The following C2CD5 variants were observed in gnomAD, a reference collection of about 807,000 sequenced individuals.
The protein encoded by C2CD5 is C2 domain-containing protein 5.
A neutral mutation model predicts 130.3 loss-of-function variants in C2CD5; 109 were observed. The ratio of observed to expected loss-of-function variants is 0.84; its 90% CI spans 0.72 to 0.98. The LOEUF (loss-of-function observed/expected upper bound fraction) is 0.98. C2CD5 is among the 50% of genes least tolerant of loss of function. The probability of loss-of-function intolerance (pLI) is 0.00; values close to 1 mark genes in which losing one functional copy is unlikely to be tolerated. For missense variants in C2CD5, 996 were observed against 1,261.8 expected (o/e 0.79, Z 3.19); for synonymous variants, 454 against 429.2 (o/e 1.06, Z -0.71).
At position 22,543,933 on chromosome 12, in the gene C2CD5, C is replaced by G. The variant is rs1952672761; in HGVS notation, c.90+128G>C. On this transcript the variant is annotated intron_variant, in intron 2 of 26. Transcript: ENST00000446597. ...TCGGCGGTCATCCCTCGTGGGAGAG[C>G]TGGACAACCACGGCCGAAGGGAGGG... is the stretch of plus-strand genomic sequence containing the variant. 3 of 692,690 alleles carry G rather than the reference C, an allele frequency of 4.3e-6. No homozygotes were observed. The South Asian group carries it at 5.1e-5, about 12-fold the overall frequency. 42.9% of individuals were successfully genotyped at this position (692,690 alleles called of 1,614,324 possible).
intron 11 of C2CD5, among the ~76,000 whole-genome samples, chr12:22,491,556 G>T (rs2136447671): frequency 6.6e-6 from 1 of 152,082 alleles, no homozygotes; most frequent in Admixed American, 6.6e-5. Context: ...ATGTAAATGT[G>T]ATACCAAGAA....
At chr12:22,523,109 G>A (rs1441064775) in intron 7 of C2CD5, among the ~76,000 whole-genome samples, 1 of 152,042 alleles carries the variant, frequency 6.6e-6, no homozygotes, top group East Asian at 1.9e-4. Flanking sequence ...AGCTACTCAG[G>A]CGGCTGAGGT....
At chr12:22,476,337 CA>C (rs143204193) in intron 15 of C2CD5, among the ~76,000 whole-genome samples, 2 of 151,108 alleles carry the variant, frequency 1.3e-5, no homozygotes, top group African/African-American at 2.4e-5. Context: ...CTGACTCTGT[CA>C]AAAAAAATGC....
chr12:22,531,029 T>TGG (rs1237696740), intron 3 of C2CD5, among the ~76,000 whole-genome samples: 1 of 152,018 alleles, frequency 6.6e-6, no homozygotes, highest in Non-Finnish European at 1.5e-5. Flanking sequence ...AGGTTATAGT[T>TGG]GGGGGGGAAA....
At chr12:22,480,873 C>CT (rs1565693825) in intron 14 of C2CD5, among the ~76,000 whole-genome samples, 1 of 151,926 alleles carries the variant, frequency 6.6e-6, no homozygotes, top group African/African-American at 2.4e-5. Context: ...GGCACAATCA[C>CT]GGCTCACTGC....
chr12:22,472,256 T>G (rs1943157285), intron 18 of C2CD5, 30 bp downstream of exon 18: 1 of 1,305,702 alleles, frequency 7.7e-7, no homozygotes, highest in African/African-American at 1.5e-5. Flanking sequence ...TTATGTGTTA[T>G]GTGCTTAAAA....
intron 17 of C2CD5, 58 bp downstream of exon 17, chr12:22,472,686 G>T: frequency 2.1e-6 from 2 of 943,802 alleles, no homozygotes; most frequent in South Asian, 2.6e-5. Context: ...TAACAATTAT[G>T]AGCTAAAACA....
intron 2 of C2CD5, among the ~76,000 whole-genome samples, chr12:22,536,598 G>A (rs751416200): frequency 2.0e-4 from 31 of 152,104 alleles, no homozygotes; most frequent in Non-Finnish European, 3.8e-4. Flanking sequence ...GAAAAAACAA[G>A]TAGCAGAATA....
chr12:22,480,013 G>A (rs1944470242), intron 14 of C2CD5, among the ~76,000 whole-genome samples: 1 of 152,152 alleles, frequency 6.6e-6, no homozygotes, highest in Admixed American at 6.5e-5. Context: ...AATCTGCATA[G>A]TAGATAAAAT....
intron 17 of C2CD5, 196 bp downstream of exon 17, chr12:22,472,548 T>TA: frequency 1.6e-6 from 1 of 625,412 alleles, no homozygotes; most frequent in Admixed American, 3.1e-5. Flanking sequence ...ATAAAAGGAC[T>TA]AAAAATCACT....
At chr12:22,534,048 C>A (rs1951579806) in intron 3 of C2CD5, among the ~76,000 whole-genome samples, 1 of 152,112 alleles carries the variant, frequency 6.6e-6, no homozygotes, top group Non-Finnish European at 1.5e-5. Context: ...ATTAGCCAGG[C>A]ATGATGGCGC....
In C2CD5 at chr12:22,449,505, C is replaced by T. The variant is rs1291897966; in HGVS notation, c.*255G>A. 1.6e-5 allele frequency: 5 copies of T among 307,936 alleles called. No individual in the cohort carries two copies. The highest frequency in any genetic ancestry group is 2.4e-5 in the Non-Finnish European group (4 of 167,320). The allele number at this position is 307,936 out of a possible 1,614,324, so 19.1% of individuals were successfully genotyped here. Reference sequence around the variant, plus strand: ...TCAACATAAATTACAAAGGTTCCATCTTTGCTACGGTTCTTTTAAAAATTT... The same window carrying T: ...TCAACATAAATTACAAAGGTTCCATTTTTGCTACGGTTCTTTTAAAAATTT... On this transcript the variant is annotated 3_prime_UTR_variant, in exon 27 of 27. Transcript: ENST00000446597.
At chr12:22,512,419 CTA>C (rs1007195202) in intron 9 of C2CD5, among the ~76,000 whole-genome samples, 103 of 151,886 alleles carry the variant, frequency 6.8e-4, no homozygotes, top group Non-Finnish European at 1.1e-3. Flanking sequence ...AGCTATAGAA[CTA>C]TGTCTTAAAA....
At chr12:22,514,649 T>C (rs932018863) in intron 8 of C2CD5, among the ~76,000 whole-genome samples, 2 of 152,072 alleles carry the variant, frequency 1.3e-5, no homozygotes, top group Non-Finnish European at 2.9e-5. Context: ...ACAGGTCCAA[T>C]GTGAATGGAG....
At chr12:22,530,143 GTATA>G (rs199912283) in intron 3 of C2CD5, among the ~76,000 whole-genome samples, 1 of 119,980 alleles carries the variant, frequency 8.3e-6, no homozygotes, top group Non-Finnish European at 1.7e-5. Context: ...CACACACAGT[GTATA>G]TATATTATAC....
intron 2 of C2CD5, among the ~76,000 whole-genome samples, chr12:22,541,182 T>C (rs889020265): frequency 6.6e-6 from 1 of 152,174 alleles, no homozygotes; most frequent in African/African-American, 2.4e-5. Flanking sequence ...CCTCAATCTT[T>C]ACCATCCCCC....
intron 17 of C2CD5, 150 bp downstream of exon 17, chr12:22,472,594 T>A (rs1943213350): frequency 7.4e-6 from 5 of 675,236 alleles, no homozygotes; most frequent in Non-Finnish European, 8.0e-6. Context: ...TTTTAAGGTA[T>A]GTTTTCTACC....
intron 9 of C2CD5, among the ~76,000 whole-genome samples, chr12:22,507,910 G>T (rs1948756296): frequency 6.6e-6 from 1 of 150,616 alleles, no homozygotes; most frequent in South Asian, 2.2e-4. Flanking sequence ...TATTATAGTA[G>T]TTATAAATTT....
Position 22,457,180 on chromosome 12 carries a change from G to T in C2CD5, c.2687-19C>A. 6.4e-7 allele frequency: 1 copy of T among 1,568,254 alleles called. No homozygotes were observed. The highest frequency in any genetic ancestry group is 1.2e-5 in the South Asian group (1 of 86,310). On this transcript the variant is annotated intron_variant, in intron 24 of 26. Coordinates refer to ENST00000446597, the MANE Select transcript of C2CD5 (RefSeq NM_001286176.2). Reference sequence around the variant, plus strand: ...GTCATGGCTAAAATTGGAGAAAAATGAGAAAACATTCAGAACAGACGCTGG... The same window carrying T: ...GTCATGGCTAAAATTGGAGAAAAATTAGAAAACATTCAGAACAGACGCTGG...
Sources: allele counts gnomAD v4.1 joint callset (sites outside exome capture counted in the v4.1 genomes callset), GRCh38; gene constraint gnomAD v4.1.1; transcripts MANE v1.5; gene names NCBI Gene and HGNC (gene_info 2026-07-23, HGNC 2026-07-21).